Variants in RSRC1 observed in about 807,000 individuals in gnomAD.
RSRC1 encodes the protein arginine and serine rich coiled-coil 1.
In RSRC1, 39 loss-of-function variants were observed where a neutral mutation model predicts 49.1. The observed-to-expected ratio is 0.79, with a 90% CI of 0.61 to 1.04. The LOEUF (loss-of-function observed/expected upper bound fraction) is 1.04, where lower values mean the gene tolerates loss of function less well. RSRC1 is among the 50% of genes least tolerant of loss of function. The pLI, the probability that RSRC1 is intolerant of heterozygous loss-of-function variation, is 0.00. For missense variants in RSRC1, 388 were observed against 402.4 expected (o/e 0.96, Z 0.31); for synonymous variants, 143 against 130.8 (o/e 1.09, Z -0.63).
chr3:158,541,800 T>G (rs1713047024), intron 8 of RSRC1, among the ~76,000 whole-genome samples: 1 of 152,190 alleles, frequency 6.6e-6, no homozygotes, highest in Non-Finnish European at 1.5e-5. Context: ...TTTCATATTA[T>G]CCCTGTAACC....
At chr3:158,372,788 G>A (rs1221590323) in intron 6 of RSRC1, among the ~76,000 whole-genome samples, 1 of 151,820 alleles carries the variant, frequency 6.6e-6, no homozygotes, top group African/African-American at 2.4e-5. Context: ...TCAATCTGGG[G>A]AGAATTGGCA....
chr3:158,370,021 T>A (rs1394868979), intron 6 of RSRC1, among the ~76,000 whole-genome samples: 1 of 151,958 alleles, frequency 6.6e-6, no homozygotes, highest in Non-Finnish European at 1.5e-5. Flanking sequence ...GAAGTAGTAT[T>A]TGTGATATAA....
intron 7 of RSRC1, among the ~76,000 whole-genome samples, chr3:158,511,443 G>A (rs1472250774): frequency 6.6e-6 from 1 of 152,130 alleles, no homozygotes; most frequent in Non-Finnish European, 1.5e-5. Context: ...CCCTACAAAG[G>A]ACATGAACTC....
chr3:158,230,067 T>C (rs924989058), intron 4 of RSRC1, among the ~76,000 whole-genome samples: 1 of 152,054 alleles, frequency 6.6e-6, no homozygotes, highest in Non-Finnish European at 1.5e-5. Context: ...GTCATGTCTT[T>C]TTAAGTTTCC....
intron 4 of RSRC1, among the ~76,000 whole-genome samples, chr3:158,233,124 C>A (rs1257968996): frequency 1.3e-5 from 2 of 152,102 alleles, no homozygotes; most frequent in Admixed American, 1.3e-4. Context: ...CTGACTGTTG[C>A]AAGTGAGAAG....
chr3:158,326,487 T>A lies in RSRC1; in HGVS notation c.532-28370T>A, dbSNP rs1160576815. On this transcript the variant is annotated intron_variant, in intron 5 of 9. Transcript: ENST00000611884. ...GCCTTTTCTGCATCTATTGAGATAATCATGTGGTTTTTGTCTTTGGTTCTG... is the reference window on the plus strand; with the variant it reads ...GCCTTTTCTGCATCTATTGAGATAAACATGTGGTTTTTGTCTTTGGTTCTG... Among the ~76,000 whole-genome samples, 3 of 152,192 alleles carry A rather than the reference T, an allele frequency of 2.0e-5. 1 individual carries two copies. Among genetic ancestry groups the A allele is most frequent in the African/African-American group, 7.2e-5 (3 of 41,446 alleles).
chr3:158,244,364 A>G (rs1295069017), intron 4 of RSRC1, among the ~76,000 whole-genome samples: 1 of 152,178 alleles, frequency 6.6e-6, no homozygotes, highest in East Asian at 1.9e-4. Context: ...CCTTCTCTGC[A>G]TCTATTGAGA....
intron 4 of RSRC1, among the ~76,000 whole-genome samples, chr3:158,227,747 A>G (rs954294452): frequency 2.0e-5 from 3 of 152,090 alleles, no homozygotes; most frequent in African/African-American, 7.2e-5. Context: ...GTAAAAGTCC[A>G]GATAGTAAAT....
intron 6 of RSRC1, among the ~76,000 whole-genome samples, chr3:158,357,535 A>G (rs1051374645): frequency 1.3e-5 from 2 of 152,200 alleles, no homozygotes; most frequent in Non-Finnish European, 2.9e-5. Context: ...AACTTGTGGC[A>G]TAGTAGAGGG....
In RSRC1 at chr3:158,323,556, A is replaced by C. The variant is rs141170090; in HGVS notation, c.531+25481A>C. Reference sequence around the variant, plus strand: ...TCTCACTTCTAAAATCTTACCATTAAATGTCTACTTGTTCTGCCACTACCC... The same window carrying C: ...TCTCACTTCTAAAATCTTACCATTACATGTCTACTTGTTCTGCCACTACCC... On this transcript the variant is annotated intron_variant, in intron 5 of 9. Transcript: ENST00000611884. Among the ~76,000 whole-genome samples the C allele has an allele frequency of 1.8e-4, 28 of 152,238 alleles. No homozygotes were observed. The East Asian group carries it at 3.1e-3, about 17-fold the overall frequency.
intron 6 of RSRC1, among the ~76,000 whole-genome samples, chr3:158,423,411 G>A (rs1259353268): frequency 6.6e-6 from 1 of 151,344 alleles, no homozygotes; most frequent in African/African-American, 2.4e-5. Context: ...ATTTCTGAGG[G>A]CTCTGTTCTG....
At chr3:158,423,819 T>C (rs1735235258) in intron 6 of RSRC1, among the ~76,000 whole-genome samples, 2 of 151,900 alleles carry the variant, frequency 1.3e-5, no homozygotes, top group Non-Finnish European at 2.9e-5. Context: ...TTCCTAGGTA[T>C]TTTATTCTCT....
At chr3:158,445,267 G>A (rs952754211) in intron 6 of RSRC1, among the ~76,000 whole-genome samples, 2 of 152,076 alleles carry the variant, frequency 1.3e-5, no homozygotes, top group South Asian at 2.1e-4. Flanking sequence ...ATGTCCATCA[G>A]TGATAGACTG....
chr3:158,117,978 C>T (rs1714954491), intron 1 of RSRC1, among the ~76,000 whole-genome samples: 1 of 151,548 alleles, frequency 6.6e-6, no homozygotes, highest in Non-Finnish European at 1.5e-5. Flanking sequence ...GAGGCTGGGT[C>T]TCGCTCTGTC....
At chr3:158,411,658 C>CA (rs1208743963) in intron 6 of RSRC1, among the ~76,000 whole-genome samples, 1 of 152,102 alleles carries the variant, frequency 6.6e-6, no homozygotes, top group African/African-American at 2.4e-5. Flanking sequence ...ACTGGGATTA[C>CA]AGGCACACAC....
intron 6 of RSRC1, among the ~76,000 whole-genome samples, chr3:158,373,833 A>G (rs1732212167): frequency 6.6e-6 from 1 of 152,028 alleles, no homozygotes; most frequent in Non-Finnish European, 1.5e-5. Context: ...CCAGTAGACT[A>G]TGTAAATGTG....
intron 7 of RSRC1, among the ~76,000 whole-genome samples, chr3:158,514,096 T>C (rs1425208204): frequency 1.3e-5 from 2 of 152,100 alleles, no homozygotes; most frequent in Non-Finnish European, 2.9e-5. Flanking sequence ...TTTTGAAGGG[T>C]TTTCTGTGTC....
chr3:158,272,626 A>G (rs1194352406), intron 4 of RSRC1, among the ~76,000 whole-genome samples: 2 of 152,126 alleles, frequency 1.3e-5, no homozygotes, highest in Non-Finnish European at 2.9e-5. Context: ...ATTTAAGTAC[A>G]GTAGTAACTG....
chr3:158,519,253 T>C, intron 7 of RSRC1, among the ~76,000 whole-genome samples: 1 of 152,162 alleles, frequency 6.6e-6, no homozygotes, highest in South Asian at 2.1e-4. Context: ...GTGTTCACCA[T>C]TTCTTGCCCG....
Sources: allele counts gnomAD v4.1 joint callset (sites outside exome capture counted in the v4.1 genomes callset), GRCh38; gene constraint gnomAD v4.1.1; transcripts MANE v1.5; gene names NCBI Gene and HGNC (gene_info 2026-07-23, HGNC 2026-07-21).